CD80: variants seen among roughly 807,000 people sequenced by gnomAD.
The protein encoded by CD80 is CD80 molecule.
CD80 carries 13 observed loss-of-function variants against 27.1 expected under a neutral mutation model. That is an observed-to-expected ratio of 0.48 (90% CI 0.31 to 0.76). The LOEUF is 0.76. Ranked by LOEUF, CD80 falls within the 30% of genes least tolerant of loss-of-function variation. CD80 has a pLI of 0.04. For missense variants in CD80, 277 were observed against 347.9 expected (o/e 0.80, Z 1.62); for synonymous variants, 125 against 125.5 (o/e 1.00, Z 0.03).
At chr3:119,546,893 G>A (rs1361810313) in intron 2 of CD80, among the ~76,000 whole-genome samples, 1 of 151,852 alleles carries the variant, frequency 6.6e-6, no homozygotes, top group Non-Finnish European at 1.5e-5. Context: ...ATTTAACCGT[G>A]GGAAAAATCT....
chr3:119,531,709 G>A (rs2082112863), intron 4 of CD80, among the ~76,000 whole-genome samples: 1 of 151,914 alleles, frequency 6.6e-6, no homozygotes, highest in Admixed American at 6.6e-5. Flanking sequence ...CCCAGGCCAG[G>A]CTGGAGTGCA....
At chr3:119,540,762 T>C (rs530819835) in intron 3 of CD80, among the ~76,000 whole-genome samples, 1 of 152,288 alleles carries the variant, frequency 6.6e-6, no homozygotes, top group African/African-American at 2.4e-5. Flanking sequence ...TAAAAATCTT[T>C]TCAAGGCCAG....
At chr3:119,531,891 T>C (rs904623552) in intron 4 of CD80, among the ~76,000 whole-genome samples, 10 of 152,042 alleles carry the variant, frequency 6.6e-5, no homozygotes, top group African/African-American at 2.4e-4. Context: ...CTCGAACTCC[T>C]GACCTCAGGT....
At chr3:119,535,431 TA>T (rs376619232) in intron 4 of CD80, among the ~76,000 whole-genome samples, 1 of 152,148 alleles carries the variant, frequency 6.6e-6, no homozygotes, top group East Asian at 1.9e-4. Flanking sequence ...GGAGTGGGGC[TA>T]GGGGTAGGGA....
chr3:119,526,526 G>A (rs918676006), intron 6 of CD80, among the ~76,000 whole-genome samples: 1 of 152,146 alleles, frequency 6.6e-6, no homozygotes, highest in South Asian at 2.1e-4. Context: ...TGTGTAGGCT[G>A]CCAGGTTGTA....
rs2082055747 is a variant in CD80, at chr3:119,524,873, A to T, written c.*915T>A. ...ATCTAAGGAGGCCCTATGGAAAGTT[A>T]CTACCTTAGACATTTGAAGATAGCT... On this transcript the variant is annotated 3_prime_UTR_variant, in exon 7 of 7. Coordinates refer to ENST00000264246, the MANE Select transcript of CD80 (RefSeq NM_005191.4). The T allele has an allele frequency of 6.6e-6, 1 of 152,242 alleles. No homozygotes were observed. The highest frequency in any genetic ancestry group is 1.5e-5 in the Non-Finnish European group (1 of 68,040). 9.4% of individuals were successfully genotyped at this position (152,242 alleles called of 1,614,324 possible).
chr3:119,557,611 T>C lies in CD80; in HGVS notation c.100+18A>G, dbSNP rs747105699. The C allele has an allele frequency of 1.9e-6, 3 of 1,588,640 alleles. No individual in the cohort carries two copies. Among genetic ancestry groups the C allele is most frequent in the East Asian group, 2.2e-5 (1 of 44,660 alleles). The stretch of plus-strand genomic sequence containing the variant: ...CCCTGTAGCAGTTGACTCAGTTAAG[T>C]TCCTGAAAGTTGCTTACCTGAACAG... On this transcript the variant is annotated intron_variant, in intron 2 of 6. Coordinates refer to ENST00000264246, the MANE Select transcript of CD80 (RefSeq NM_005191.4).
intron 2 of CD80, among the ~76,000 whole-genome samples, chr3:119,555,228 T>A: frequency 6.6e-6 from 1 of 152,226 alleles, no homozygotes; most frequent in East Asian, 1.9e-4. Context: ...AGTACACTTG[T>A]TACAATCAAT....
intron 3 of CD80, among the ~76,000 whole-genome samples, chr3:119,543,461 A>C: frequency 7.1e-6 from 1 of 140,252 alleles, no homozygotes; most frequent in East Asian, 2.0e-4. Flanking sequence ...TCTGTAGTCT[A>C]CTTTTTTTTT....
At chr3:119,533,598 C>A (rs1205733901) in intron 4 of CD80, among the ~76,000 whole-genome samples, 3 of 152,122 alleles carry the variant, frequency 2.0e-5, no homozygotes, top group Non-Finnish European at 4.4e-5. Flanking sequence ...CTCACGAGAT[C>A]TGATAGTTTA....
At position 119,556,642 on chromosome 3, in the gene CD80, C is replaced by T. The variant is rs551184456; in HGVS notation, c.100+987G>A. ...ATCGCAGTCAAGTAATCTGTGGGCC[C>T]CCAACTCCTCTTCTCTTCCCTCTAC... On this transcript the variant is annotated intron_variant, in intron 2 of 6. Transcript: ENST00000264246. Among the ~76,000 whole-genome samples, 7 of 152,224 alleles carry T rather than the reference C, an allele frequency of 4.6e-5. No homozygotes were observed. The South Asian group carries it at 6.2e-4, about 14-fold the overall frequency.
intron 2 of CD80, among the ~76,000 whole-genome samples, chr3:119,549,072 G>A (rs2082216416): frequency 6.6e-6 from 1 of 151,824 alleles, no homozygotes; most frequent in African/African-American, 2.4e-5. Flanking sequence ...AAGAAACAGA[G>A]TCCCTTTCTT....
intron 2 of CD80, among the ~76,000 whole-genome samples, chr3:119,554,479 G>T (rs914882047): frequency 4.6e-5 from 7 of 152,160 alleles, no homozygotes; most frequent in African/African-American, 1.7e-4. Flanking sequence ...CTGCCTTACT[G>T]CCACCAGTTG....
At chr3:119,526,163 G>A (rs1228675438) in intron 6 of CD80, among the ~76,000 whole-genome samples, 1 of 152,040 alleles carries the variant, frequency 6.6e-6, no homozygotes, top group Non-Finnish European at 1.5e-5. Flanking sequence ...TCTCAGGCAT[G>A]GTTGCTTTTC....
intron 2 of CD80, among the ~76,000 whole-genome samples, chr3:119,545,101 T>A (rs1005143762): frequency 2.6e-5 from 4 of 152,118 alleles, no homozygotes; most frequent in Non-Finnish European, 5.9e-5. Context: ...CCCAGCACTT[T>A]GGGAGGCCGA....
rs1445778320 is a variant in CD80 at position 119,537,348 on chromosome 3, T to G, written c.489A>C (p.Ser163=). The change falls in exon 4 of 7, where the codon TCA becomes TCC. Residue 163 remains serine, a synonymous_variant. Transcript: ENST00000264246. ...GAGGCTCTGGAAAACCTCCAGAGGT[T>G]GAGCAAATTATCCTTCTAATATTAG... ...PTSNIRRIIC[S]TSGGFPEPHL... is the part of the protein sequence containing the mutation. 1 of 1,613,714 alleles carries G rather than the reference T, an allele frequency of 6.2e-7. No homozygotes were observed. Among genetic ancestry groups the G allele is most frequent in the Admixed American group, 1.7e-5 (1 of 60,026 alleles).
chr3:119,559,189 G>A (rs1302141622), intron 1 of CD80, among the ~76,000 whole-genome samples: 2 of 151,908 alleles, frequency 1.3e-5, no homozygotes, highest in African/African-American at 2.4e-5. Flanking sequence ...ATTCAAATAC[G>A]GCCCACAAAA....
intron 3 of CD80, among the ~76,000 whole-genome samples, chr3:119,543,233 C>T (rs1443883715): frequency 2.6e-5 from 4 of 152,238 alleles, no homozygotes; most frequent in African/African-American, 9.6e-5. Flanking sequence ...GCTCTATCTA[C>T]GCAGCAGGCG....
intron 3 of CD80, among the ~76,000 whole-genome samples, chr3:119,539,881 G>C (rs2082157966): frequency 6.6e-6 from 1 of 152,152 alleles, no homozygotes; most frequent in Admixed American, 6.5e-5. Context: ...GTCTTAGTTT[G>C]CTCATCTATA....
Sources: allele counts gnomAD v4.1 joint callset (sites outside exome capture counted in the v4.1 genomes callset), GRCh38; gene constraint gnomAD v4.1.1; transcripts MANE v1.5; gene names NCBI Gene and HGNC (gene_info 2026-07-23, HGNC 2026-07-21).